JAML: variants seen among roughly 807,000 people sequenced by gnomAD.
The protein encoded by JAML is junctional adhesion molecule-like.
Under a neutral mutation model 39.3 loss-of-function variants are expected in JAML, and 25 were observed. The observed-to-expected ratio is 0.64, with a 90% CI of 0.46 to 0.89. The LOEUF (loss-of-function observed/expected upper bound fraction) is 0.89, where lower values mean the gene tolerates loss of function less well. Ranked by LOEUF, JAML falls within the 40% of genes least tolerant of loss-of-function variation. The pLI is 0.00. For missense variants in JAML, 440 were observed against 486.9 expected, an observed-to-expected ratio of 0.90 and a Z score of 0.91; for synonymous variants, 162 against 179.2, an observed-to-expected ratio of 0.90 and a Z score of 0.77.
chr11:118,200,224 GCCC>G (rs967254311), intron 7 of JAML, among the ~76,000 whole-genome samples: 1 of 152,134 alleles, frequency 6.6e-6, no homozygotes, highest in African/African-American at 2.4e-5. Flanking sequence ...CCCTACTGAG[GCCC>G]CCATTTCTAA....
Position 118,196,840 on chromosome 11 carries a change from AC to A in JAML, c.1006-20del, listed in dbSNP as rs1948668017. ...TGTGTTTCTAGAGGGGGAAAATGGT[AC>A]AAAAATTCCTAAAAATTAGATGAAT... On this transcript the variant is annotated intron_variant, in intron 8 of 9. Coordinates refer to ENST00000356289, the MANE Select transcript of JAML (RefSeq NM_001098526.2). The A allele has an allele frequency of 1.3e-6, 2 of 1,580,666 alleles. No individual in the cohort carries two copies. The highest frequency in any genetic ancestry group is 1.3e-5 in the African/African-American group (1 of 74,168).
At chr11:118,212,928 T>G (rs1949091147) in intron 2 of JAML, 1 of 1,614,112 alleles carries the variant, frequency 6.2e-7, no homozygotes, top group African/African-American at 1.3e-5. Flanking sequence ...AACGACGAAA[T>G]GGGTTGTTCC....
intron 4 of JAML, 74 bp downstream of exon 4, chr11:118,210,413 A>C: frequency 6.9e-7 from 1 of 1,451,828 alleles, no homozygotes; most frequent in Non-Finnish European, 9.5e-7. Context: ...TTTACTCAAG[A>C]TAATCAGTTT....
chr11:118,202,740 C>T (rs1323360040), intron 6 of JAML: 4 of 362,816 alleles, frequency 1.1e-5, no homozygotes, highest in Non-Finnish European at 2.2e-5. Context: ...CCATCCTCAC[C>T]CCATCTTCCC....
intron 6 of JAML, 102 bp from the exon 7 acceptor site, chr11:118,200,714 G>T: frequency 7.2e-7 from 1 of 1,394,556 alleles, no homozygotes; most frequent in Non-Finnish European, 9.9e-7. Flanking sequence ...CCACGAAGCG[G>T]AGGGGAAGGC....
chr11:118,213,203 C>T, intron 2 of JAML: 2 of 1,335,562 alleles, frequency 1.5e-6, no homozygotes, highest in African/African-American at 2.9e-5. Context: ...CCCATTATCT[C>T]TATGTTGCTC....
At chr11:118,220,202 C>G (rs1252042538) in intron 1 of JAML, among the ~76,000 whole-genome samples, 1 of 152,222 alleles carries the variant, frequency 6.6e-6, no homozygotes, top group East Asian at 1.9e-4. Context: ...GCTCAAGCAA[C>G]CTCAGAGCAG....
At chr11:118,214,389 A>G (rs1397562927) in intron 2 of JAML, among the ~76,000 whole-genome samples, 2 of 152,158 alleles carry the variant, frequency 1.3e-5, no homozygotes, top group African/African-American at 4.8e-5. Context: ...AACCACCATA[A>G]ATTGGGAAAG....
At position 118,199,693 on chromosome 11, in the gene JAML, A is replaced by AT. The variant is rs34379845; in HGVS notation, c.911+780dup. Reference sequence around the variant, plus strand: ...TTAAAAGCACATTATTATTATTATTATTTTTTTTTTTTTTTTTTTTTGAGA... The same window carrying AT: ...TTAAAAGCACATTATTATTATTATTATTTTTTTTTTTTTTTTTTTTTTGAGA... On this transcript the variant is annotated intron_variant, in intron 7 of 9. Transcript: ENST00000356289. Among the ~76,000 whole-genome samples the AT allele has an allele frequency of 8.2e-3, 874 of 107,102 alleles. 11 individuals carry two copies. Among genetic ancestry groups the AT allele is most frequent in the Non-Finnish European group, 0.01 (557 of 54,020 alleles). The allele number at this position is 107,102 out of a possible 152,430, so 70.3% of individuals were successfully genotyped here.
chr11:118,214,836 G>A lies in JAML; in HGVS notation c.31C>T (p.Pro11Ser). ...AGCTTCTACTTACCCAGTAACACTG[G>A]CAGCAGGATGAGTTTCAGTGGGCAA... is the stretch of plus-strand genomic sequence containing the variant. The part of the protein sequence containing the change: MFCPLKLILL[P>S]VLLDYSLGLN... Residue 11 changes from proline to serine, a missense_variant, in exon 2 of 10, where the codon CCA becomes TCA. Transcript: ENST00000356289. 6.2e-7 allele frequency: 1 copy of A among 1,614,104 alleles called. No homozygotes were observed.
chr11:118,212,274 G>C, intron 3 of JAML, 133 bp downstream of exon 3: 1 of 1,143,766 alleles, frequency 8.7e-7, no homozygotes, highest in Non-Finnish European at 1.2e-6. Flanking sequence ...ACGAGGCCCA[G>C]TTCTGATAAT....
intron 1 of JAML, among the ~76,000 whole-genome samples, chr11:118,220,172 G>C (rs544294386): frequency 2.6e-5 from 4 of 152,172 alleles, no homozygotes; most frequent in Non-Finnish European, 4.4e-5. Flanking sequence ...TCCTGCTCTG[G>C]ATGTTCCCAA....
chr11:118,208,294 C>A (rs998103536), intron 4 of JAML, among the ~76,000 whole-genome samples: 1 of 152,024 alleles, frequency 6.6e-6, no homozygotes, highest in African/African-American at 2.4e-5. Context: ...GCTTCTTCTT[C>A]CTGGAGAACA....
At chr11:118,196,949 C>T (rs991533154) in intron 8 of JAML, 128 bp from the exon 9 acceptor site, 2 of 680,184 alleles carry the variant, frequency 2.9e-6, no homozygotes, top group Non-Finnish European at 2.6e-6. Flanking sequence ...GTTACTGAGA[C>T]CTAGAGAATT....
At chr11:118,203,139 G>A (rs1369922927) in intron 6 of JAML, 1 of 565,768 alleles carries the variant, frequency 1.8e-6, no homozygotes, top group Middle Eastern at 2.7e-4. Context: ...TACATCAGTA[G>A]ATGACCCTGG....
chr11:118,216,089 T>C (rs943025600), intron 1 of JAML, among the ~76,000 whole-genome samples: 1 of 152,156 alleles, frequency 6.6e-6, no homozygotes, highest in East Asian at 1.9e-4. Flanking sequence ...ATTGATTACT[T>C]GGCCGGGCCT....
chr11:118,215,700 T>G (rs941827226), intron 1 of JAML, among the ~76,000 whole-genome samples: 34 of 152,178 alleles, frequency 2.2e-4, no homozygotes, highest in Middle Eastern at 3.4e-3. Context: ...GGCAGGGCAG[T>G]GTGGCTAGAA....
At chr11:118,213,101 G>A in intron 2 of JAML, 1 of 1,477,792 alleles carries the variant, frequency 6.8e-7, no homozygotes, top group South Asian at 1.4e-5. Context: ...CTTTCCTCCT[G>A]CATTTCCACT....
chr11:118,197,199 T>C (rs1000654480), intron 8 of JAML: 2 of 220,102 alleles, frequency 9.1e-6, no homozygotes, highest in African/African-American at 4.7e-5. Context: ...CCTCAGAGGA[T>C]TTATGTGGCA....
Sources: gnomAD v4.1 joint callset for allele counts (sites outside exome capture counted in the v4.1 genomes callset) on GRCh38, gnomAD v4.1.1 for gene constraint, MANE v1.5 for transcripts, NCBI Gene and HGNC (gene_info 2026-07-23, HGNC 2026-07-21) for gene names.